Variants in PRMT8 observed in about 807,000 individuals in gnomAD.
The protein encoded by PRMT8 is protein arginine methyltransferase 8.
Under a neutral mutation model 47.1 loss-of-function variants are expected in PRMT8, and 7 were observed. The ratio of observed to expected loss-of-function variants is 0.15; its 90% CI spans 0.08 to 0.28. The LOEUF (loss-of-function observed/expected upper bound fraction) is 0.28. PRMT8 is among the 10% of genes least tolerant of loss of function. PRMT8 has a pLI of 1.00. For synonymous variants in PRMT8, 188 were observed against 186.5 expected (o/e 1.01, Z -0.07); for missense variants, 237 against 505.4 (o/e 0.47, Z 5.09).
chr12:3,512,130 G>C (rs1256040928), intron 1 of PRMT8, among the ~76,000 whole-genome samples: 1 of 152,096 alleles, frequency 6.6e-6, no homozygotes, highest in Non-Finnish European at 1.5e-5. Flanking sequence ...GACTCTCCTT[G>C]GTCTCATCTC....
At chr12:3,577,629 A>C (rs1277112987) in intron 7 of PRMT8, among the ~76,000 whole-genome samples, 1 of 152,004 alleles carries the variant, frequency 6.6e-6, no homozygotes, top group African/African-American at 2.4e-5. Context: ...TTTGAATGCA[A>C]CCCAACACAA....
chr12:3,568,660 G>T (rs1169421143), intron 4 of PRMT8, 46 bp from the exon 5 acceptor site: 11 of 1,611,662 alleles, frequency 6.8e-6, no homozygotes, highest in Non-Finnish European at 9.3e-6. Context: ...TGTGGTTCCT[G>T]GGTGGGGTCC....
rs1170030314 is a variant in PRMT8, at chr12:3,552,966, G to A, written c.418-685G>A. On this transcript the variant is annotated intron_variant, in intron 3 of 9. Coordinates refer to ENST00000382622, the MANE Select transcript of PRMT8 (RefSeq NM_019854.5). The surrounding 1 kb of genome is among the most constrained non-coding windows in gnomAD (Gnocchi z 4.5). ...CAGTGTGCCTGAGACGCTAACCCTG[G>A]GCTGGAGCTTGGCTTCCAACCATTC... 6 of 328,740 alleles carry A rather than the reference G, an allele frequency of 1.8e-5. No homozygotes were observed. Among genetic ancestry groups the A allele is most frequent in the African/African-American group, 1.3e-4 (6 of 46,108 alleles). 20.4% of individuals were successfully genotyped at this position (328,740 alleles called of 1,614,324 possible).
chr12:3,571,208 TGG>T (rs1265687304), intron 6 of PRMT8, among the ~76,000 whole-genome samples: 1 of 152,222 alleles, frequency 6.6e-6, no homozygotes, highest in Non-Finnish European at 1.5e-5. Context: ...GCCAAGCCCC[TGG>T]TGGCTCAGAA....
chr12:3,446,612 T>A (rs1864858388), intron 1 of PRMT8, among the ~76,000 whole-genome samples: 1 of 152,216 alleles, frequency 6.6e-6, no homozygotes, highest in African/African-American at 2.4e-5. Flanking sequence ...GAGTCCCAGC[T>A]GTGTGTCATA....
rs71061115 is a variant in PRMT8 at position 3,451,033 on chromosome 12, A to ACCCCCCCCCCCCCCCCC, written c.48+69597_48+69613dup. ...TGAAAGCAGTTTTGATCTTGCTGAC[A>ACCCCCCCCCCCCCCCCC]CCCCCCCCCCCCCCCCCCCCCCGCC... On this transcript the variant is annotated intron_variant, in intron 1 of 9. Coordinates refer to the PRMT8 transcript ENST00000452611. Among the ~76,000 whole-genome samples, 2 of 26,086 alleles carry ACCCCCCCCCCCCCCCCC rather than the reference A, an allele frequency of 7.7e-5. 1 individual carries two copies. The highest frequency in any genetic ancestry group is 1.3e-4 in the Non-Finnish European group (2 of 15,062). 17.1% of individuals were successfully genotyped at this position (26,086 alleles called of 152,430 possible). A position where few individuals can be genotyped will look rare whatever the true frequency, so the allele number is the denominator to read the frequency against.
In PRMT8 at chr12:3,580,707, G is replaced by T. The variant is rs1867044347; in HGVS notation, c.829-2351G>T. Among the ~76,000 whole-genome samples the T allele has an allele frequency of 6.6e-6, 1 of 152,134 alleles. No individual in the cohort carries two copies. Among genetic ancestry groups the T allele is most frequent in the African/African-American group, 2.4e-5 (1 of 41,412 alleles). On this transcript the variant is annotated intron_variant, in intron 7 of 9. Transcript: ENST00000382622. This position sits in a 1 kb window ranked among gnomAD's most constrained non-coding sequence, Gnocchi z 4.6. ...TATGAGCCAGAAGTGAGATTGGAAGGCCATGCTACACTGGTGACGGAGGGA... is the reference window on the plus strand; with the variant it reads ...TATGAGCCAGAAGTGAGATTGGAAGTCCATGCTACACTGGTGACGGAGGGA...
chr12:3,464,485 G>T (rs1447382214), intron 1 of PRMT8, among the ~76,000 whole-genome samples: 1 of 152,038 alleles, frequency 6.6e-6, no homozygotes, highest in East Asian at 1.9e-4. Flanking sequence ...GTAGTAGTTG[G>T]TTTTTTTCAG....
intron 1 of PRMT8, among the ~76,000 whole-genome samples, chr12:3,414,141 A>G (rs1445664688): frequency 1.3e-5 from 2 of 152,216 alleles, no homozygotes; most frequent in Non-Finnish European, 2.9e-5. Context: ...GATATTTTGT[A>G]TTTTAAAAAT....
chr12:3,466,046 T>C (rs1475471163), intron 1 of PRMT8, among the ~76,000 whole-genome samples: 1 of 152,154 alleles, frequency 6.6e-6, no homozygotes, highest in Non-Finnish European at 1.5e-5. Flanking sequence ...AACTGTAACA[T>C]GCTGTAGTGA....
Position 3,491,435 on chromosome 12 carries a change from G to C in PRMT8, c.-191G>C. 2 of 1,378,428 alleles carry C rather than the reference G, an allele frequency of 1.5e-6. No individual in the cohort carries two copies. Among genetic ancestry groups the C allele is most frequent in the African/African-American group, 1.5e-5 (1 of 68,916 alleles). 85.4% of individuals were successfully genotyped at this position (1,378,428 alleles called of 1,614,324 possible). On this transcript the variant is annotated 5_prime_UTR_variant, in exon 1 of 10. Transcript: ENST00000382622. ...GAAGGAATCCGGAGCAGATGAGAAG[G>C]GAGGAAAATAAAAGAAAGTGGAGAC...
intron 1 of PRMT8, among the ~76,000 whole-genome samples, chr12:3,515,719 T>G (rs1406218229): frequency 6.6e-6 from 1 of 152,222 alleles, no homozygotes; most frequent in African/African-American, 2.4e-5. Context: ...TTACGGTCTC[T>G]GCACTCTGAG....
chr12:3,393,032 G>A (rs1448401785), intron 1 of PRMT8, among the ~76,000 whole-genome samples: 5 of 151,512 alleles, frequency 3.3e-5, no homozygotes, highest in Non-Finnish European at 7.4e-5. Context: ...GTCTGTTCAT[G>A]TCCTTCACCC....
In PRMT8 at chr12:3,491,236, A is replaced by G; in HGVS notation, c.-390A>G. On this transcript the variant is annotated 5_prime_UTR_variant, in exon 1 of 10. Coordinates refer to ENST00000382622, the MANE Select transcript of PRMT8 (RefSeq NM_019854.5). ...CAGCGGATCGGCAGAAGTTGAGAGG[A>G]GTTGGCGGCTGCCTCCGGCCGGCCG... 1 of 1,010,910 alleles carries G rather than the reference A, an allele frequency of 9.9e-7. No individual in the cohort carries two copies. Among genetic ancestry groups the G allele is most frequent in the Non-Finnish European group, 1.2e-6 (1 of 846,552 alleles). 62.6% of individuals were successfully genotyped at this position (1,010,910 alleles called of 1,614,324 possible).
rs541034821 is a variant in PRMT8 at position 3,436,721 on chromosome 12, C to A, written c.48+55279C>A. Reference sequence around the variant, plus strand: ...CAAAAGCCATGAGTCGGTTAAACATCAAGGTGAAGTTATTTCCAGCGGATC... The same window carrying A: ...CAAAAGCCATGAGTCGGTTAAACATAAAGGTGAAGTTATTTCCAGCGGATC... On this transcript the variant is annotated intron_variant, in intron 1 of 9. Coordinates refer to the PRMT8 transcript ENST00000452611. The surrounding 1 kb of genome is among the most constrained non-coding windows in gnomAD (Gnocchi z 4.2). Among the ~76,000 whole-genome samples the A allele has an allele frequency of 6.6e-6, 1 of 152,286 alleles. No individual in the cohort carries two copies. The highest frequency in any genetic ancestry group is 1.9e-4 in the East Asian group (1 of 5,180).
rs573936117 is a variant in PRMT8, at chr12:3,562,693, A to C, written c.482-6013A>C. Among the ~76,000 whole-genome samples, 143 of 152,268 alleles carry C rather than the reference A, an allele frequency of 9.4e-4. 1 individual carries two copies. The highest frequency in any genetic ancestry group is 1.5e-3 in the Non-Finnish European group (105 of 68,008). ...GTTAGCTTGAAATTGGCTATGGTGGAAGTATTTACACCACGGACATTGGCG... is the reference window on the plus strand; with the variant it reads ...GTTAGCTTGAAATTGGCTATGGTGGCAGTATTTACACCACGGACATTGGCG... On this transcript the variant is annotated intron_variant, in intron 4 of 9. Coordinates refer to ENST00000382622, the MANE Select transcript of PRMT8 (RefSeq NM_019854.5).
chr12:3,392,189 TA>T (rs1366902779), intron 1 of PRMT8, among the ~76,000 whole-genome samples: 2 of 152,246 alleles, frequency 1.3e-5, no homozygotes, highest in East Asian at 1.9e-4. Flanking sequence ...GATTTTATTT[TA>T]TTTTTTTATT....
chr12:3,396,850 C>A (rs1864254582), intron 1 of PRMT8, among the ~76,000 whole-genome samples: 1 of 151,920 alleles, frequency 6.6e-6, no homozygotes, highest in African/African-American at 2.4e-5. Context: ...TCAGGTACAC[C>A]AATCAGACAT....
intron 1 of PRMT8, among the ~76,000 whole-genome samples, chr12:3,481,677 C>T (rs1041625971): frequency 1.3e-5 from 2 of 152,188 alleles, no homozygotes; most frequent in Admixed American, 6.5e-5. Flanking sequence ...GTGAAGAAGA[C>T]GTGAACCTAT....
Sources: allele counts gnomAD v4.1 joint callset (sites outside exome capture counted in the v4.1 genomes callset), GRCh38; gene constraint gnomAD v4.1.1; non-coding constraint Gnocchi (gnomAD v3.1); transcripts MANE v1.5; gene names NCBI Gene and HGNC (gene_info 2026-07-23, HGNC 2026-07-21).